The following GRIK1 variants were observed in gnomAD, a reference collection of about 807,000 sequenced individuals.
GRIK1 encodes the protein glutamate receptor ionotropic, kainate 1.
GRIK1 carries 69 observed loss-of-function variants against 105.7 expected under a neutral mutation model. The ratio of observed to expected loss-of-function variants is 0.65; its 90% CI spans 0.54 to 0.80. GRIK1 has a LOEUF of 0.80. Ranked by LOEUF, GRIK1 falls within the 30% of genes least tolerant of loss-of-function variation. GRIK1 has a pLI of 0.00. For missense variants in GRIK1, 1,109 were observed against 1,167.3 expected (o/e 0.95, Z 0.73); for synonymous variants, 438 against 431.3 (o/e 1.02, Z -0.19).
chr21:29,843,202 T>C (rs1042535799), intron 1 of GRIK1, among the ~76,000 whole-genome samples: 2 of 152,168 alleles, frequency 1.3e-5, no homozygotes, highest in Admixed American at 6.6e-5. Flanking sequence ...TGATGGTTGC[T>C]AATGCCCTCC....
At chr21:29,563,173 C>T (rs1288411559) in intron 14 of GRIK1, among the ~76,000 whole-genome samples, 1 of 152,168 alleles carries the variant, frequency 6.6e-6, no homozygotes, top group Admixed American at 6.5e-5. Flanking sequence ...CAGGATGCAC[C>T]ATCTCCGTAG....
chr21:29,596,582 G>C lies in GRIK1; in HGVS notation c.1207-12C>G. 1 of 1,599,162 alleles carries C rather than the reference G, an allele frequency of 6.3e-7. No individual in the cohort carries two copies. Among genetic ancestry groups the C allele is most frequent in the South Asian group, 1.1e-5 (1 of 90,790 alleles). On this transcript the variant is annotated splice_polypyrimidine_tract_variant and intron_variant, in intron 8 of 17. Coordinates refer to ENST00000327783, the MANE Select transcript of GRIK1 (RefSeq NM_001330994.2). ...ACTTCGCCAGCAGCCTTGGTTTTCA[G>C]AGAGAAAAATAAAATAAAAACAGCA...
intron 1 of GRIK1, among the ~76,000 whole-genome samples, chr21:29,882,912 G>A (rs1269252903): frequency 6.6e-6 from 1 of 152,012 alleles, no homozygotes; most frequent in East Asian, 1.9e-4. Flanking sequence ...ATAACCAGGG[G>A]CTGCAACTTG....
chr21:29,756,751 G>A (rs1199594140), intron 1 of GRIK1, among the ~76,000 whole-genome samples: 2 of 151,846 alleles, frequency 1.3e-5, no homozygotes, highest in Non-Finnish European at 2.9e-5. Context: ...AAACACAACA[G>A]TTTAAAAAAA....
chr21:29,574,773 C>T (rs1224310942), intron 14 of GRIK1, among the ~76,000 whole-genome samples: 1 of 150,454 alleles, frequency 6.6e-6, no homozygotes. Context: ...CTGCAAGCTC[C>T]GCCTCCCGGG....
intron 1 of GRIK1, among the ~76,000 whole-genome samples, chr21:29,899,020 T>A (rs1299053679): frequency 1.3e-5 from 2 of 152,172 alleles, no homozygotes; most frequent in Non-Finnish European, 2.9e-5. Flanking sequence ...CTAATGGCTT[T>A]TTTCATATTC....
chr21:29,544,915 G>T (rs2090027104), intron 16 of GRIK1, among the ~76,000 whole-genome samples: 1 of 152,206 alleles, frequency 6.6e-6, no homozygotes, highest in South Asian at 2.1e-4. Context: ...TGCCTTCTCT[G>T]GGGGCAAACT....
intron 3 of GRIK1, among the ~76,000 whole-genome samples, chr21:29,676,519 T>C (rs1331081426): frequency 6.6e-6 from 1 of 152,186 alleles, no homozygotes; most frequent in African/African-American, 2.4e-5. Flanking sequence ...GCTAAACATA[T>C]AATTGCTTCA....
At position 29,911,265 on chromosome 21, in the gene GRIK1, T is replaced by A. The variant is rs956322980; in HGVS notation, c.118+28118A>T. Among the ~76,000 whole-genome samples the A allele has an allele frequency of 2.0e-5, 3 of 152,128 alleles. 1 individual carries two copies. The highest frequency in any genetic ancestry group is 4.1e-4 in the South Asian group (2 of 4,832). ...GGACTTCAGAATCTGTGTCATCAACTACTATTTATTTGTGAATATAGGGAC... is the reference window on the plus strand; with the variant it reads ...GGACTTCAGAATCTGTGTCATCAACAACTATTTATTTGTGAATATAGGGAC... On this transcript the variant is annotated intron_variant, in intron 1 of 17. Coordinates refer to ENST00000327783, the MANE Select transcript of GRIK1 (RefSeq NM_001330994.2).
At position 29,623,934 on chromosome 21, in the gene GRIK1, T is replaced by C. The variant is rs542722148; in HGVS notation, c.1098+18892A>G. ...TTTGAAATGTTTTGTTGGCAAATCT[T>C]GTTGACATAATGTGGATAATTGCCA... On this transcript the variant is annotated intron_variant, in intron 7 of 17. Coordinates refer to ENST00000327783, the MANE Select transcript of GRIK1 (RefSeq NM_001330994.2). 5.9e-5 allele frequency among the ~76,000 whole-genome samples: 9 copies of C among 152,362 alleles called. No individual in the cohort carries two copies. The East Asian group carries it at 1.5e-3, about 26-fold the overall frequency.
intron 1 of GRIK1, among the ~76,000 whole-genome samples, chr21:29,730,576 C>T (rs1227954362): frequency 6.6e-6 from 1 of 152,196 alleles, no homozygotes; most frequent in East Asian, 1.9e-4. Context: ...GATGTATTTG[C>T]AAGACAGAAC....
At chr21:29,574,864 A>AC (rs930416502) in intron 14 of GRIK1, among the ~76,000 whole-genome samples, 1 of 142,564 alleles carries the variant, frequency 7.0e-6, no homozygotes, top group Non-Finnish European at 1.5e-5. Flanking sequence ...ATATTTTTGT[A>AC]TTTTTTTTTT....
At chr21:29,791,234 G>A (rs1291059638) in intron 1 of GRIK1, among the ~76,000 whole-genome samples, 1 of 152,114 alleles carries the variant, frequency 6.6e-6, no homozygotes, top group East Asian at 1.9e-4. Context: ...CAGTGTGATG[G>A]AAAGCCAGAC....
At chr21:29,705,760 C>A (rs920117781) in intron 1 of GRIK1, among the ~76,000 whole-genome samples, 1 of 152,126 alleles carries the variant, frequency 6.6e-6, no homozygotes, top group Non-Finnish European at 1.5e-5. Flanking sequence ...TGAAAAACAG[C>A]ATCTTTTAAT....
intron 1 of GRIK1, among the ~76,000 whole-genome samples, chr21:29,728,275 G>A (rs914838018): frequency 6.6e-6 from 1 of 152,162 alleles, no homozygotes; most frequent in African/African-American, 2.4e-5. Flanking sequence ...GTGGTGATTG[G>A]CTACTCATGT....
chr21:29,864,647 T>C (rs1054378271), intron 1 of GRIK1, among the ~76,000 whole-genome samples: 1 of 152,228 alleles, frequency 6.6e-6, no homozygotes, highest in African/African-American at 2.4e-5. Context: ...GTTTGAACTT[T>C]TTTTCTGCTT....
rs558700644 is a variant in GRIK1, at chr21:29,587,556, T to C, written c.1603A>G (p.Thr535Ala). 6.2e-7 allele frequency: 1 copy of C among 1,613,262 alleles called. No individual in the cohort carries two copies. Among genetic ancestry groups the C allele is most frequent in the African/African-American group, 1.3e-5 (1 of 74,988 alleles). ...TCAATGACTTTCTCCCGCACGTAGG[T>C]GATGGTAAGAGGAGCCACTGCCAGG... is the stretch of plus-strand genomic sequence containing the variant. Reference protein sequence around the residue: ...ADLAVAPLTITYVREKVIDFS... With the variant: ...ADLAVAPLTIAYVREKVIDFS... The change falls in exon 12 of 18, where the codon ACC becomes GCC. Residue 535 changes from threonine (T) to alanine (A), a missense_variant. Physicochemically the swap from Thr to Ala is moderately conservative, Grantham distance 58. Transcript: ENST00000327783.
chr21:29,822,410 C>T (rs924749663), intron 1 of GRIK1, among the ~76,000 whole-genome samples: 5 of 151,978 alleles, frequency 3.3e-5, no homozygotes, highest in Non-Finnish European at 7.4e-5. Context: ...TGTTTCATGA[C>T]TTTAGCAGAC....
At chr21:29,878,987 C>A (rs890057512) in intron 1 of GRIK1, among the ~76,000 whole-genome samples, 1 of 152,102 alleles carries the variant, frequency 6.6e-6, no homozygotes, top group Admixed American at 6.6e-5. Context: ...GTACGTCACT[C>A]GTTTTATGGT....
Sources: allele counts gnomAD v4.1 joint callset (sites outside exome capture counted in the v4.1 genomes callset), GRCh38; gene constraint gnomAD v4.1.1; transcripts MANE v1.5; gene names NCBI Gene and HGNC (gene_info 2026-07-23, HGNC 2026-07-21).